The following RELN variants were observed in gnomAD, a reference collection of about 807,000 sequenced individuals.
RELN encodes reelin.
A neutral mutation model predicts 427.6 loss-of-function variants in RELN; 108 were observed. That is an observed-to-expected ratio of 0.25 (90% CI 0.22 to 0.30). The LOEUF (loss-of-function observed/expected upper bound fraction) is 0.30, where lower values mean the gene tolerates loss of function less well. RELN is among the 10% of genes least tolerant of loss of function. The pLI, the probability that RELN is intolerant of heterozygous loss-of-function variation, is 1.00. For missense variants in RELN, 3,715 were observed against 4,302.8 expected (o/e 0.86, Z 3.82); for synonymous variants, 1,524 against 1,513.4 (o/e 1.01, Z -0.16).
Position 103,496,414 on chromosome 7 carries a change from G to C in RELN, c.9193+112C>G, listed in dbSNP as rs912983753. On this transcript the variant is annotated intron_variant, in intron 56 of 64. Transcript: ENST00000428762. Reference sequence around the variant, plus strand: ...AATAACAGCTAACATTTGTTGAGCAGGAGTATGGGCTAGGCACTCTTATAA... The same window carrying C: ...AATAACAGCTAACATTTGTTGAGCACGAGTATGGGCTAGGCACTCTTATAA... 2.9e-5 allele frequency: 41 copies of C among 1,389,934 alleles called. No individual in the cohort carries two copies. In the Admixed American group the frequency reaches 5.4e-4, roughly 18 times the overall value. 86.1% of individuals were successfully genotyped at this position (1,389,934 alleles called of 1,614,324 possible).
rs1387442432 is a variant in RELN, at chr7:103,524,387, TATAAAA to T, written c.7350-862_7350-857del. 6.7e-4 allele frequency among the ~76,000 whole-genome samples: 51 copies of T among 75,688 alleles called. No individual in the cohort carries two copies. In the African/African-American group the frequency reaches 7.5e-3, roughly 11 times the overall value. 49.7% of individuals were successfully genotyped at this position (75,688 alleles called of 152,430 possible). ...TGAGACCAGACTTATTTTACATTGA[TATAAAA>T]GCGATATAAGTAAAGCTAAAACAGA... is the stretch of plus-strand genomic sequence containing the variant. On this transcript the variant is annotated intron_variant, in intron 46 of 64. Transcript: ENST00000428762.
At chr7:103,568,644 A>G (rs1830815050) in intron 31 of RELN, among the ~76,000 whole-genome samples, 1 of 152,214 alleles carries the variant, frequency 6.6e-6, no homozygotes, top group Non-Finnish European at 1.5e-5. Context: ...ATGTTGCTCA[A>G]GATATGTCCT....
At chr7:103,831,538 T>C (rs1793274038) in intron 3 of RELN, among the ~76,000 whole-genome samples, 1 of 152,194 alleles carries the variant, frequency 6.6e-6, no homozygotes, top group Admixed American at 6.6e-5. Flanking sequence ...ATTTTGTTGT[T>C]GATACCTTGG....
intron 4 of RELN, among the ~76,000 whole-genome samples, chr7:103,759,173 T>C (rs553618868): frequency 6.6e-6 from 1 of 152,132 alleles, no homozygotes; most frequent in Non-Finnish European, 1.5e-5. Flanking sequence ...AATGATTTAC[T>C]AATCACCATA....
chr7:103,569,035 T>A lies in RELN; in HGVS notation c.4589-2276A>T, dbSNP rs749544028. On this transcript the variant is annotated intron_variant, in intron 31 of 64. Transcript: ENST00000428762. The surrounding 1 kb of genome is among the most constrained non-coding windows in gnomAD (Gnocchi z 4.0). ...TTCCCCCTTTGAGTGTGGATAGTTT[T>A]AGTAACTTGCTTCTAATGAATAGAA... Among the ~76,000 whole-genome samples, 2 of 152,232 alleles carry A rather than the reference T, an allele frequency of 1.3e-5. No individual in the cohort carries two copies. The highest frequency in any genetic ancestry group is 4.8e-5 in the African/African-American group (2 of 41,474).
rs1562876702 is a variant in RELN at position 103,535,361 on chromosome 7, A to G, written c.7304T>C (p.Phe2435Ser). The G allele has an allele frequency of 1.2e-6, 2 of 1,613,986 alleles. No individual in the cohort carries two copies. The highest frequency in any genetic ancestry group is 2.2e-5 in the East Asian group (1 of 44,888). The change falls in exon 46 of 65, where the codon TTC becomes TCC. Residue 2435 changes from phenylalanine to serine, a missense_variant. Coordinates refer to ENST00000428762, the MANE Select transcript of RELN (RefSeq NM_005045.4). ...HLQRILVSDT[F>S]NKWTRITLPL... is the part of the protein sequence containing the mutation. The stretch of plus-strand genomic sequence containing the variant: ...CAGAGTGATTCTAGTCCACTTGTTG[A>G]AAGTGTCTGACACCAGGATCCGTTG...
chr7:103,767,098 CA>C (rs1417195310), intron 4 of RELN, among the ~76,000 whole-genome samples: 3 of 152,320 alleles, frequency 2.0e-5, no homozygotes, highest in African/African-American at 7.2e-5. Context: ...TACACACACA[CA>C]TGATTATTTT....
At chr7:103,825,448 A>C (rs1392740995) in intron 3 of RELN, among the ~76,000 whole-genome samples, 1 of 152,148 alleles carries the variant, frequency 6.6e-6, no homozygotes, top group African/African-American at 2.4e-5. Flanking sequence ...AAATAAAACT[A>C]AAATGAAAAA....
At chr7:103,591,729 G>C (rs1232636354) in intron 27 of RELN, among the ~76,000 whole-genome samples, 1 of 152,120 alleles carries the variant, frequency 6.6e-6, no homozygotes, top group Admixed American at 6.6e-5. Context: ...TTCTAACACA[G>C]ACAAGTGGTT....
chr7:103,852,579 G>T (rs1793849665), intron 2 of RELN, among the ~76,000 whole-genome samples: 1 of 152,036 alleles, frequency 6.6e-6, no homozygotes, highest in South Asian at 2.1e-4. Context: ...CTTTTTAGGA[G>T]CCCTAAATTT....
intron 60 of RELN, among the ~76,000 whole-genome samples, chr7:103,489,042 G>C (rs1562845733): frequency 6.6e-6 from 1 of 152,310 alleles, no homozygotes; most frequent in South Asian, 2.1e-4. Context: ...AAACCTGTTA[G>C]AAACATTGGA....
At chr7:103,686,866 T>C (rs1189363976) in intron 10 of RELN, among the ~76,000 whole-genome samples, 1 of 152,142 alleles carries the variant, frequency 6.6e-6, no homozygotes, top group Non-Finnish European at 1.5e-5. Flanking sequence ...GCAAAATAAA[T>C]TTCTATCATT....
chr7:103,520,572 G>A (rs1371197396), intron 48 of RELN, among the ~76,000 whole-genome samples: 3 of 152,126 alleles, frequency 2.0e-5, no homozygotes, highest in Non-Finnish European at 4.4e-5. Flanking sequence ...CACCGCGCCT[G>A]TAAATAGATG....
intron 3 of RELN, among the ~76,000 whole-genome samples, chr7:103,785,213 C>A (rs1003357670): frequency 6.6e-6 from 1 of 151,992 alleles, no homozygotes; most frequent in African/African-American, 2.4e-5. Context: ...CTTTCCACAC[C>A]ACCTTTTAAA....
intron 1 of RELN, among the ~76,000 whole-genome samples, chr7:103,956,927 T>C (rs188358719): frequency 6.6e-6 from 1 of 152,288 alleles, no homozygotes; most frequent in East Asian, 1.9e-4. Flanking sequence ...ATATTTTTGG[T>C]GTCTTGGGAT....
At chr7:103,630,244 G>A in intron 19 of RELN, 68 bp from the exon 20 acceptor site, 2 of 1,051,936 alleles carry the variant, frequency 1.9e-6, no homozygotes, top group Admixed American at 1.7e-5. Flanking sequence ...TTTATAGTGG[G>A]ATAGATTTCC....
At position 103,565,400 on chromosome 7, in the gene RELN, A is replaced by G. The variant is rs114551393; in HGVS notation, c.5088T>C (p.Leu1696=). Residue 1696 remains leucine (L), a synonymous_variant, in exon 34 of 65, where the codon CTT becomes CTC. Transcript: ENST00000428762. Reference sequence around the variant, plus strand: ...TTGGAGGAACACACTCTTCGGTGACAAGATGCCAGTCCTTGCCATTGTTCA... The same window carrying G: ...TTGGAGGAACACACTCTTCGGTGACGAGATGCCAGTCCTTGCCATTGTTCA... The part of the protein sequence containing the change: ...YSLNNGKDWH[L]VTEECVPPTI... 692 of 1,614,140 alleles carry G rather than the reference A, an allele frequency of 4.3e-4. 3 individuals are homozygous for G. The East Asian group carries it at 0.012, about 28-fold the overall frequency.
chr7:103,898,801 A>C (rs1307044488), intron 2 of RELN, among the ~76,000 whole-genome samples: 1 of 152,078 alleles, frequency 6.6e-6, no homozygotes, highest in African/African-American at 2.4e-5. Context: ...TTAAAGCTAG[A>C]GCAAAATGTT....
intron 1 of RELN, among the ~76,000 whole-genome samples, chr7:103,963,161 A>C (rs1195676616): frequency 8.3e-6 from 1 of 120,114 alleles, no homozygotes; most frequent in African/African-American, 3.5e-5. Context: ...GGCGCTTTCT[A>C]CTCATTTCTC....
Sources: gnomAD v4.1 joint callset for allele counts (sites outside exome capture counted in the v4.1 genomes callset) on GRCh38, gnomAD v4.1.1 for gene constraint, Gnocchi (gnomAD v3.1) non-coding constraint, MANE v1.5 for transcripts, NCBI Gene and HGNC (gene_info 2026-07-23, HGNC 2026-07-21) for gene names.